MFSD12: variants seen among roughly 807,000 people sequenced by gnomAD.
MFSD12 encodes the protein major facilitator superfamily domain-containing protein 12.
In MFSD12, 67 loss-of-function variants were observed where a neutral mutation model predicts 51.2. The observed-to-expected ratio is 1.31, with a 90% CI of 1.08 to 1.60. The LOEUF is 1.60. MFSD12 is among the 40% of genes most tolerant of loss of function. The pLI is 0.00. For synonymous variants in MFSD12, 441 were observed against 316.7 expected, an observed-to-expected ratio of 1.39 and a Z score of -4.17; for missense variants, 921 against 673.0, an observed-to-expected ratio of 1.37 and a Z score of -4.08.
In MFSD12 at chr19:3,544,903, G is replaced by A. The variant is rs141551845; in HGVS notation, c.1326C>T (p.Tyr442=). 29,408 of 1,611,328 alleles carry A rather than the reference G, an allele frequency of 0.018. 383 individuals are homozygous for A. Among genetic ancestry groups the A allele is most frequent in the Non-Finnish European group, 0.019 (22,898 of 1,179,404 alleles). ...CCGTCACAGCCACCATCGCCCAGTG[G>A]TAAAAGCTCACGCAGGCCCTGCAGC... is the stretch of plus-strand genomic sequence containing the variant. The part of the protein sequence containing the change: ...ELCCRACVSF[Y]HWAMVAVTGG... Residue 442 remains tyrosine (Y), a synonymous_variant, in exon 9 of 10, where the codon TAC becomes TAT. Coordinates refer to ENST00000355415, the MANE Select transcript of MFSD12 (RefSeq NM_174983.5).
Position 3,544,919 on chromosome 19 carries a change from G to A in MFSD12, c.1310C>T (p.Ala437Val), listed in dbSNP as rs1456931363. The A allele has an allele frequency of 9.3e-6, 15 of 1,610,142 alleles. No individual in the cohort carries two copies. The highest frequency in any genetic ancestry group is 1.1e-5 in the Non-Finnish European group (13 of 1,179,258). ...HPCPSELCCR[A>V]CVSFYHWAMV... Reference sequence around the variant, plus strand: ...CGCCCAGTGGTAAAAGCTCACGCAGGCCCTGCAGCAGAGCTCTGAGCTGTG... The same window carrying A: ...CGCCCAGTGGTAAAAGCTCACGCAGACCCTGCAGCAGAGCTCTGAGCTGTG... The change falls in exon 9 of 10, where the codon GCC becomes GTC. Residue 437 changes from alanine to valine, a missense_variant. By Grantham distance (64) the Ala-to-Val change is moderately conservative. Coordinates refer to ENST00000355415, the MANE Select transcript of MFSD12 (RefSeq NM_174983.5).
chr19:3,544,996 A>G (rs888832714), intron 8 of MFSD12, 57 bp from the exon 9 acceptor site: 22 of 1,535,074 alleles, frequency 1.4e-5, no homozygotes, highest in Non-Finnish European at 1.8e-5. Context: ...CCCGCCACCC[A>G]AGCTGAACCT....
chr19:3,545,399 CCTCCTCCCTCTA>C (rs2030917838), intron 8 of MFSD12, among the ~76,000 whole-genome samples: 1 of 151,046 alleles, frequency 6.6e-6, no homozygotes, highest in Non-Finnish European at 1.5e-5. Flanking sequence ...CCTGCCCTCC[CCTCCTCCCTCTA>C]CTCCAGCCAC....
intron 1 of MFSD12, among the ~76,000 whole-genome samples, chr19:3,553,473 G>GAA (rs59871101): frequency 2.3e-3 from 317 of 140,586 alleles, no homozygotes; most frequent in Middle Eastern, 7.5e-3. Flanking sequence ...ACCCTGTCAA[G>GAA]AAAAAAAAAA....
chr19:3,543,354 C>T (rs773862469), downstream of MFSD12: 9 of 1,549,350 alleles, frequency 5.8e-6, no homozygotes, highest in Non-Finnish European at 7.0e-6. Context: ...ACAGGCCTGA[C>T]CAACTCGGAC....
chr19:3,541,357 C>T (rs1363122379), downstream of MFSD12, among the ~76,000 whole-genome samples: 1 of 150,850 alleles, frequency 6.6e-6, no homozygotes, highest in Admixed American at 6.6e-5. Context: ...GGGTCTCGCT[C>T]GGTTGCCCAG....
intron 6 of MFSD12, 95 bp from the exon 7 acceptor site, chr19:3,546,520 A>C: frequency 7.1e-7 from 1 of 1,416,758 alleles, no homozygotes; most frequent in Non-Finnish European, 9.5e-7. Context: ...CCAGCAAACA[A>C]GGCATGAGCT....
chr19:3,543,490 C>A (rs941962573), downstream of MFSD12: 6 of 1,519,308 alleles, frequency 3.9e-6, no homozygotes, highest in East Asian at 4.9e-5. Context: ...GCCCCCCCCC[C>A]CGCCCTGGGC....
At chr19:3,547,809 G>A in intron 4 of MFSD12, 39 bp downstream of exon 4, 2 of 1,461,090 alleles carry the variant, frequency 1.4e-6, no homozygotes, top group Non-Finnish European at 1.8e-6. Flanking sequence ...GTGGGTGGGA[G>A]AGAAGGCCCA....
In MFSD12 at chr19:3,544,266, A is replaced by T; in HGVS notation, c.*444T>A. The T allele has an allele frequency of 6.9e-6, 9 of 1,300,764 alleles. No homozygotes were observed. The highest frequency in any genetic ancestry group is 7.8e-6 in the Non-Finnish European group (8 of 1,025,084). The allele number at this position is 1,300,764 out of a possible 1,614,324, so 80.6% of individuals were successfully genotyped here. A position where few individuals can be genotyped will look rare whatever the true frequency, so the allele number is the denominator to read the frequency against. ...CTGCCGGGCAGCCCTGCTGCCCACC[A>T]CGGTGGGGTCCAGGCCCAGCCCACC... On this transcript the variant is annotated 3_prime_UTR_variant, in exon 10 of 10. Transcript: ENST00000355415.
chr19:3,549,840 A>G (rs1219774178), intron 2 of MFSD12, among the ~76,000 whole-genome samples: 1 of 151,904 alleles, frequency 6.6e-6, no homozygotes, highest in Non-Finnish European at 1.5e-5. Flanking sequence ...CCTGGCCAAC[A>G]TGGTACATGG....
chr19:3,556,199 G>A (rs1440938491), intron 1 of MFSD12, among the ~76,000 whole-genome samples: 1 of 152,208 alleles, frequency 6.6e-6, no homozygotes, highest in African/African-American at 2.4e-5. Context: ...AGAGAGAGAG[G>A]AGGCTCTAGG....
chr19:3,550,840 G>T, intron 2 of MFSD12, 144 bp downstream of exon 2: 2 of 689,612 alleles, frequency 2.9e-6, no homozygotes. Flanking sequence ...GCAACAGAGT[G>T]AGACCCCCTT....
At chr19:3,543,312 T>C (rs970299472), downstream of MFSD12, 15 of 1,549,218 alleles carry the variant, frequency 9.7e-6, no homozygotes, top group Middle Eastern at 1.8e-4. Flanking sequence ...TACACGCCCA[T>C]GGGACGGGAC....
rs2286542 is a variant in MFSD12 at position 3,546,300 on chromosome 19, G to A, written c.1149C>T (p.Leu383=). ...CGGCCGTCATGGCCAGCGAGGTGAC[G>A]AGGATGGTGGCACAGCCAGCACCCA... is the stretch of plus-strand genomic sequence containing the variant. ...VLLGAGCATI[L]VTSLAMTADL... Residue 383 remains leucine (L), a synonymous_variant, in exon 7 of 10, where the codon CTC becomes CTT. Transcript: ENST00000355415. 7.3e-5 allele frequency: 117 copies of A among 1,610,002 alleles called. 1 individual carries two copies. Among genetic ancestry groups the A allele is most frequent in the Middle Eastern group, 6.6e-4 (4 of 6,058 alleles).
At chr19:3,541,843 C>A, downstream of MFSD12, 1 of 963,910 alleles carries the variant, frequency 1.0e-6, no homozygotes, top group Non-Finnish European at 1.2e-6. Context: ...GAGTCTCGCT[C>A]TCTCACCCAG....
At chr19:3,548,851 C>T (rs1188146684) in intron 2 of MFSD12, among the ~76,000 whole-genome samples, 1 of 152,186 alleles carries the variant, frequency 6.6e-6, no homozygotes, top group Non-Finnish European at 1.5e-5. Flanking sequence ...CCTCAGGGGC[C>T]CTGGGCATTG....
downstream of MFSD12, chr19:3,539,555 G>A: frequency 2.2e-6 from 1 of 446,308 alleles, no homozygotes; most frequent in South Asian, 3.7e-5. Context: ...TGAAATCCAG[G>A]CCTGTGCGGG....
chr19:3,539,338 G>A, downstream of MFSD12: 1 of 777,540 alleles, frequency 1.3e-6, no homozygotes, highest in Non-Finnish European at 2.0e-6. Context: ...CATGGTGTTT[G>A]GTTTGGGGTC....
Sources: gnomAD v4.1 joint callset for allele counts (sites outside exome capture counted in the v4.1 genomes callset) on GRCh38, gnomAD v4.1.1 for gene constraint, MANE v1.5 for transcripts, NCBI Gene and HGNC (gene_info 2026-07-23, HGNC 2026-07-21) for gene names.